Variants in SLC12A3 observed in about 807,000 individuals in gnomAD.
SLC12A3 encodes the protein solute carrier family 12 member 3, also known as Na-Cl cotransporter.
A neutral mutation model predicts 121.0 loss-of-function variants in SLC12A3; 104 were observed. The ratio of observed to expected loss-of-function variants is 0.86; its 90% CI spans 0.73 to 1.01. The LOEUF (loss-of-function observed/expected upper bound fraction) is 1.01, where lower values mean the gene tolerates loss of function less well. Ranked by LOEUF, SLC12A3 falls within the 50% of genes least tolerant of loss-of-function variation. SLC12A3 has a pLI of 0.00. For synonymous variants in SLC12A3, 536 were observed against 533.4 expected, an observed-to-expected ratio of 1.00 and a Z score of -0.07; for missense variants, 1,328 against 1,356.3, an observed-to-expected ratio of 0.98 and a Z score of 0.33.
At chr16:56,897,293 T>C (rs2055478373) in intron 22 of SLC12A3, among the ~76,000 whole-genome samples, 1 of 152,132 alleles carries the variant, frequency 6.6e-6, no homozygotes, top group South Asian at 2.1e-4. Context: ...ATGGGGCAGT[T>C]TGCCCAAAGT....
intron 8 of SLC12A3, among the ~76,000 whole-genome samples, chr16:56,876,753 A>G (rs1475647914): frequency 6.6e-6 from 1 of 152,220 alleles, no homozygotes; most frequent in African/African-American, 2.4e-5. Flanking sequence ...GATGGTGAGC[A>G]GAACAGCCCA....
At position 56,914,067 on chromosome 16, in the gene SLC12A3, A is replaced by G. The variant is rs1239254503; in HGVS notation, c.*662A>G. On this transcript the variant is annotated 3_prime_UTR_variant, in exon 26 of 26. Transcript: ENST00000563236. ...TGGGATTACAGGCACCTGCCATCACACGAGCTAATTTTTGTATTTTTAGTA... is the reference window on the plus strand; with the variant it reads ...TGGGATTACAGGCACCTGCCATCACGCGAGCTAATTTTTGTATTTTTAGTA... 1 of 152,150 alleles carries G rather than the reference A, an allele frequency of 6.6e-6. No individual in the cohort carries two copies. Among genetic ancestry groups the G allele is most frequent in the Non-Finnish European group, 1.5e-5 (1 of 68,110 alleles). The allele number at this position is 152,150 out of a possible 1,614,324, so 9.4% of individuals were successfully genotyped here.
At chr16:56,911,825 C>T (rs773859041) in intron 25 of SLC12A3, among the ~76,000 whole-genome samples, 4 of 152,238 alleles carry the variant, frequency 2.6e-5, no homozygotes, top group Admixed American at 6.5e-5. Context: ...TTAGCTGTCG[C>T]GTGCTGGTCA....
chr16:56,894,469 C>G, intron 21 of SLC12A3, 62 bp from the exon 22 acceptor site: 1 of 1,210,302 alleles, frequency 8.3e-7, no homozygotes, highest in Non-Finnish European at 1.2e-6. Context: ...GGGGCAGGAA[C>G]TCACATAGTG....
At chr16:56,870,502 G>A in intron 5 of SLC12A3, 124 bp from the exon 6 acceptor site, 1 of 790,356 alleles carries the variant, frequency 1.3e-6, no homozygotes, top group South Asian at 1.4e-5. Context: ...TGGCAGGGGT[G>A]GTGCTTGAGT....
intron 23 of SLC12A3, among the ~76,000 whole-genome samples, chr16:56,901,958 C>G (rs1474173322): frequency 6.6e-6 from 1 of 152,198 alleles, no homozygotes; most frequent in Non-Finnish European, 1.5e-5. Context: ...AGGGCCTTCC[C>G]CACCCATTAT....
chr16:56,888,972 C>T (rs1220652760), intron 18 of SLC12A3, among the ~76,000 whole-genome samples: 2 of 152,156 alleles, frequency 1.3e-5, no homozygotes, highest in Non-Finnish European at 2.9e-5. Flanking sequence ...AGCTCTGAGG[C>T]GGTGCCCCTG....
chr16:56,900,160 C>T (rs1359826868), intron 23 of SLC12A3, among the ~76,000 whole-genome samples: 3 of 152,038 alleles, frequency 2.0e-5, no homozygotes, highest in African/African-American at 4.8e-5. Context: ...GTCTCCCAGC[C>T]GTAAGGATGT....
intron 14 of SLC12A3, 86 bp from the exon 15 acceptor site, chr16:56,885,179 A>C: frequency 1.1e-6 from 1 of 895,986 alleles, no homozygotes; most frequent in African/African-American, 1.7e-5. Context: ...GAGAAGGCCG[A>C]CATTACCTCT....
chr16:56,879,108 A>C lies in SLC12A3; in HGVS notation c.1216A>C (p.Asn406His), dbSNP rs759532318. 42 of 1,613,318 alleles carry C rather than the reference A, an allele frequency of 2.6e-5. No individual in the cohort carries two copies. In the East Asian group the frequency reaches 9.1e-4, roughly 35 times the overall value. ...CVVRDASGVLNDTVTPGWGAC... is the reference protein window; with the variant it reads ...CVVRDASGVLHDTVTPGWGAC... ...GGTGCGTGATGCCTCTGGGGTCCTGAATGACACAGTGACCCCTGGCTGGGG... is the reference window on the plus strand; with the variant it reads ...GGTGCGTGATGCCTCTGGGGTCCTGCATGACACAGTGACCCCTGGCTGGGG... The change falls in exon 10 of 26, where the codon AAT becomes CAT. Residue 406 changes from asparagine to histidine, a missense_variant. Coordinates refer to ENST00000563236, the MANE Select transcript of SLC12A3 (RefSeq NM_001126108.2).
chr16:56,890,084 AGCTG>A (rs1444214111), intron 18 of SLC12A3, among the ~76,000 whole-genome samples, 186 bp from the exon 19 acceptor site: 4 of 152,184 alleles, frequency 2.6e-5, no homozygotes, highest in Non-Finnish European at 4.4e-5. Context: ...CAGACTGTAG[AGCTG>A]GAGGAGTCCT....
intron 1 of SLC12A3, 33 bp from the exon 2 acceptor site, chr16:56,867,037 T>C: frequency 6.2e-7 from 1 of 1,607,092 alleles, no homozygotes; most frequent in Non-Finnish European, 8.5e-7. Flanking sequence ...CTAGCACCCC[T>C]ACCTGCCTGA....
intron 19 of SLC12A3, among the ~76,000 whole-genome samples, 183 bp downstream of exon 19, chr16:56,890,539 C>A (rs2055375342): frequency 6.6e-6 from 1 of 152,190 alleles, no homozygotes; most frequent in African/African-American, 2.4e-5. Context: ...GGTCATGCTT[C>A]CCAGGTGGGG....
At chr16:56,895,789 A>G (rs1464496121) in intron 22 of SLC12A3, among the ~76,000 whole-genome samples, 1 of 152,108 alleles carries the variant, frequency 6.6e-6, no homozygotes, top group Non-Finnish European at 1.5e-5. Context: ...TTTAAAAATG[A>G]TACAACTCAC....
At chr16:56,912,425 G>A (rs890486129) in intron 25 of SLC12A3, among the ~76,000 whole-genome samples, 6 of 152,236 alleles carry the variant, frequency 3.9e-5, no homozygotes, top group East Asian at 1.9e-4. Flanking sequence ...CATAGGCAGC[G>A]GTGGAGTCTT....
At chr16:56,880,628 G>T (rs554473185) in intron 12 of SLC12A3, among the ~76,000 whole-genome samples, 2 of 152,160 alleles carry the variant, frequency 1.3e-5, no homozygotes, top group South Asian at 2.1e-4. Flanking sequence ...AAGCTGACTG[G>T]TCTCTCCTTG....
At chr16:56,867,270 A>G in intron 2 of SLC12A3, 54 bp downstream of exon 2, 1 of 1,542,956 alleles carries the variant, frequency 6.5e-7, no homozygotes, top group South Asian at 1.2e-5. Flanking sequence ...GGGGTGGCAG[A>G]GCTCCATCCA....
chr16:56,889,089 C>T (rs2055356202), intron 18 of SLC12A3, among the ~76,000 whole-genome samples: 1 of 151,032 alleles, frequency 6.6e-6, no homozygotes, highest in African/African-American at 2.4e-5. Context: ...AGATGCCTCC[C>T]TCAGTGGCTT....
intron 21 of SLC12A3, 101 bp from the exon 22 acceptor site, chr16:56,894,430 G>A: frequency 1.2e-6 from 1 of 804,874 alleles, no homozygotes. Flanking sequence ...GTCCAGCGAG[G>A]AGAGGAAGGG....
Sources: gnomAD v4.1 joint callset for allele counts (sites outside exome capture counted in the v4.1 genomes callset) on GRCh38, gnomAD v4.1.1 for gene constraint, MANE v1.5 for transcripts, NCBI Gene and HGNC (gene_info 2026-07-23, HGNC 2026-07-21) for gene names.